COL18A1: variants seen among roughly 807,000 people sequenced by gnomAD.
COL18A1 encodes collagen type XVIII alpha 1 chain, also known as collagen alpha-1(XVIII) chain.
Under a neutral mutation model 168.0 loss-of-function variants are expected in COL18A1, and 133 were observed. The observed-to-expected ratio is 0.79, with a 90% confidence interval of 0.69 to 0.91. COL18A1 has a LOEUF of 0.91. Ranked by LOEUF, COL18A1 falls within the 40% of genes least tolerant of loss-of-function variation. The pLI, the probability that COL18A1 is intolerant of heterozygous loss-of-function variation, is 0.00. For synonymous variants in COL18A1, 949 were observed against 809.0 expected (o/e 1.17, Z -2.94); for missense variants, 2,126 against 1,925.4 (o/e 1.10, Z -1.95).
intron 2 of COL18A1, among the ~76,000 whole-genome samples, chr21:45,444,455 C>T (rs930178971): frequency 5.9e-5 from 9 of 152,122 alleles, no homozygotes; most frequent in African/African-American, 9.6e-5. Flanking sequence ...GTCAGCTGGT[C>T]GTCCGGACTT....
intron 20 of COL18A1, 33 bp downstream of exon 20, chr21:45,490,379 G>C: frequency 1.3e-6 from 2 of 1,505,116 alleles, no homozygotes; most frequent in Admixed American, 2.0e-5. Flanking sequence ...GGGTGCAGGG[G>C]GGGCGTGGAG....
chr21:45,469,603 G>A (rs2035343103), intron 3 of COL18A1, among the ~76,000 whole-genome samples: 2 of 152,208 alleles, frequency 1.3e-5, no homozygotes, highest in Admixed American at 1.3e-4. Flanking sequence ...TGTGGGGTCT[G>A]TGTCCAAAGC....
Position 45,511,088 on chromosome 21 carries a change from C to T in COL18A1, c.3694-23C>T, listed in dbSNP as rs9983692. 5.7e-6 allele frequency: 6 copies of T among 1,045,888 alleles called. 1 individual carries two copies. Among genetic ancestry groups the T allele is most frequent in the South Asian group, 1.4e-5 (1 of 72,596 alleles). 64.8% of individuals were successfully genotyped at this position (1,045,888 alleles called of 1,614,324 possible). ...TCCACACCCCCACACACCACACACA[C>T]ATACACACGGTTTCTCTTCCAGGAC... On this transcript the variant is annotated intron_variant, in intron 40 of 41. Transcript: ENST00000651438.
chr21:45,418,048 G>A (rs1056435440), intron 2 of COL18A1, among the ~76,000 whole-genome samples: 1 of 152,220 alleles, frequency 6.6e-6, no homozygotes, highest in Non-Finnish European at 1.5e-5. Context: ...GTTAACGTGT[G>A]CCGCCCCCGG....
chr21:45,476,199 C>T (rs1010893640), intron 5 of COL18A1, 152 bp from the exon 6 acceptor site: 39 of 1,162,592 alleles, frequency 3.4e-5, no homozygotes, highest in Admixed American at 1.1e-4. Flanking sequence ...CGGAAGGAAG[C>T]CCCTCGCGCA....
At chr21:45,438,532 G>A (rs1451485791) in intron 2 of COL18A1, among the ~76,000 whole-genome samples, 1 of 152,242 alleles carries the variant, frequency 6.6e-6, no homozygotes, top group Non-Finnish European at 1.5e-5. Flanking sequence ...TTTTCCTGCC[G>A]GCTGCACGGC....
chr21:45,450,465 C>T (rs754186702), intron 2 of COL18A1, among the ~76,000 whole-genome samples: 14 of 152,224 alleles, frequency 9.2e-5, no homozygotes, highest in South Asian at 2.1e-4. Flanking sequence ...CTCAAAGCTA[C>T]GGTTGGGGCC....
intron 2 of COL18A1, among the ~76,000 whole-genome samples, chr21:45,434,795 C>T (rs903584602): frequency 6.6e-6 from 1 of 152,228 alleles, no homozygotes; most frequent in South Asian, 2.1e-4. Flanking sequence ...GTTGCAGCCC[C>T]CAGAGCCGGG....
intron 4 of COL18A1, among the ~76,000 whole-genome samples, chr21:45,475,024 C>T (rs1332973843): frequency 6.6e-6 from 1 of 152,174 alleles, no homozygotes; most frequent in African/African-American, 2.4e-5. Context: ...GGGTCAGTAG[C>T]GGTCCCTGAG....
chr21:45,436,757 G>A (rs1488192995), intron 2 of COL18A1, among the ~76,000 whole-genome samples: 1 of 151,924 alleles, frequency 6.6e-6, no homozygotes, highest in Non-Finnish European at 1.5e-5. Flanking sequence ...TGGGGTCCCT[G>A]ATGGGAGGGA....
intron 26 of COL18A1, chr21:45,493,884 G>A (rs1166066394): frequency 2.3e-6 from 1 of 436,390 alleles, no homozygotes; most frequent in Admixed American, 3.6e-5. Context: ...TGGGGTGCAG[G>A]AGCCCAGGCT....
chr21:45,490,530 CT>C (rs1568921746), intron 20 of COL18A1, among the ~76,000 whole-genome samples, 184 bp downstream of exon 20: 66 of 145,318 alleles, frequency 4.5e-4, no homozygotes, highest in Middle Eastern at 3.5e-3. Flanking sequence ...ACTCCCGGGT[CT>C]CTGGGCCTCC....
rs148957774 is a variant in COL18A1, at chr21:45,456,068, G to A, written c.107-12174G>A. On this transcript the variant is annotated intron_variant, in intron 2 of 41. Coordinates refer to ENST00000651438, the MANE Select transcript of COL18A1 (RefSeq NM_001379500.1). ...CCGTGGCATTCCTAGCTCTCCGGGCGCCCACACAACCGAGGCTGGCACCTT... is the reference window on the plus strand; with the variant it reads ...CCGTGGCATTCCTAGCTCTCCGGGCACCCACACAACCGAGGCTGGCACCTT... 14,640 of 1,604,596 alleles carry A rather than the reference G, an allele frequency of 9.1e-3. 78 individuals are homozygous for A. The highest frequency in any genetic ancestry group is 0.011 in the Non-Finnish European group (12,715 of 1,173,780).
chr21:45,493,784 G>T, intron 26 of COL18A1: 1 of 587,448 alleles, frequency 1.7e-6, no homozygotes, highest in Non-Finnish European at 3.0e-6. Context: ...CCTGCCCCTC[G>T]TCCTCTCCCT....
At chr21:45,452,951 T>C (rs911093829) in intron 2 of COL18A1, among the ~76,000 whole-genome samples, 2 of 151,964 alleles carry the variant, frequency 1.3e-5, no homozygotes, top group African/African-American at 4.8e-5. Flanking sequence ...AGCATGTATG[T>C]ACATGTGTGA....
At chr21:45,453,514 G>T (rs577094324) in intron 2 of COL18A1, among the ~76,000 whole-genome samples, 1 of 152,354 alleles carries the variant, frequency 6.6e-6, no homozygotes, top group South Asian at 2.1e-4. Context: ...CCAGATCCCG[G>T]GGGCTGAGCT....
At position 45,482,727 on chromosome 21, in the gene COL18A1, G is replaced by A. The variant is rs955696876; in HGVS notation, c.1675-68G>A. On this transcript the variant is annotated intron_variant, in intron 14 of 41. Coordinates refer to ENST00000651438, the MANE Select transcript of COL18A1 (RefSeq NM_001379500.1). ...GTCGGGGCACAGTTCCTGGCAGGGCGATGTGCCTTCCTCTGTCCACTGTGC... is the reference window on the plus strand; with the variant it reads ...GTCGGGGCACAGTTCCTGGCAGGGCAATGTGCCTTCCTCTGTCCACTGTGC... The A allele has an allele frequency of 6.3e-5, 101 of 1,611,894 alleles. 1 individual carries two copies. The East Asian group carries it at 1.4e-3, about 22-fold the overall frequency.
At chr21:45,488,990 C>T (rs1048698074) in intron 18 of COL18A1, among the ~76,000 whole-genome samples, 2 of 152,160 alleles carry the variant, frequency 1.3e-5, no homozygotes. Context: ...GGGCAGCAGC[C>T]GCCTTTCACC....
At position 45,423,517 on chromosome 21, in the gene COL18A1, G is replaced by C. The variant is rs373605380; in HGVS notation, c.106+18044G>C. On this transcript the variant is annotated intron_variant, in intron 2 of 41. Transcript: ENST00000651438. This position sits in a 1 kb window ranked among gnomAD's most constrained non-coding sequence, Gnocchi z 4.0. ...CCGCCCCCCGCCCCCCGGAGGGCCC[G>C]GCTCCAAGGGTCATATGAGTGGATC... Among the ~76,000 whole-genome samples the C allele has an allele frequency of 1.5e-5, 2 of 137,154 alleles. No individual in the cohort carries two copies. Among genetic ancestry groups the C allele is most frequent in the African/African-American group, 5.3e-5 (2 of 37,474 alleles). The allele number at this position is 137,154 out of a possible 152,430, so 90.0% of individuals were successfully genotyped here.
Sources: gnomAD v4.1 joint callset for allele counts (sites outside exome capture counted in the v4.1 genomes callset) on GRCh38, gnomAD v4.1.1 for gene constraint, Gnocchi (gnomAD v3.1) non-coding constraint, MANE v1.5 for transcripts, NCBI Gene and HGNC (gene_info 2026-07-23, HGNC 2026-07-21) for gene names.